Variants in KPNA4 observed in about 807,000 individuals in gnomAD.
KPNA4 encodes importin subunit alpha-3.
A neutral mutation model predicts 71.3 loss-of-function variants in KPNA4; 13 were observed. The ratio of observed to expected loss-of-function variants is 0.18; its 90% CI spans 0.12 to 0.29. KPNA4 has a LOEUF of 0.29. Among genes scored for constraint, KPNA4 ranks in the 10% least tolerant of loss-of-function variants. The pLI, the probability that KPNA4 is intolerant of heterozygous loss-of-function variation, is 1.00. For missense variants in KPNA4, 334 were observed against 603.2 expected (o/e 0.55, Z 4.67); for synonymous variants, 189 against 195.2 (o/e 0.97, Z 0.26).
At chr3:160,513,844 T>C (rs1326073287) in intron 13 of KPNA4, among the ~76,000 whole-genome samples, 1 of 152,142 alleles carries the variant, frequency 6.6e-6, no homozygotes, top group East Asian at 1.9e-4. Flanking sequence ...ATGGCAATTT[T>C]GGTAAAAGAA....
chr3:160,534,563 C>CA (rs1157369457), intron 5 of KPNA4, among the ~76,000 whole-genome samples: 3 of 150,600 alleles, frequency 2.0e-5, no homozygotes, highest in Non-Finnish European at 4.4e-5. Flanking sequence ...ACTAAAAATA[C>CA]AAAAATTAGC....
At position 160,560,565 on chromosome 3, in the gene KPNA4, T is replaced by C. The variant is rs559842684; in HGVS notation, c.69+4649A>G. Among the ~76,000 whole-genome samples the C allele has an allele frequency of 1.1e-4, 16 of 151,628 alleles. No homozygotes were observed. The South Asian group carries it at 2.7e-3, about 26-fold the overall frequency. On this transcript the variant is annotated intron_variant, in intron 1 of 16. Coordinates refer to ENST00000334256, the MANE Select transcript of KPNA4 (RefSeq NM_002268.5). ...AGGACCCACAACCACTATCAGGTAT[T>C]AGAAATCAATGTTTAAAAACTACCT...
At chr3:160,537,257 C>A (rs1721709371) in intron 1 of KPNA4, among the ~76,000 whole-genome samples, 1 of 151,454 alleles carries the variant, frequency 6.6e-6, no homozygotes. Context: ...AAGGAGCCCT[C>A]CTGCTCACCC....
At chr3:160,525,410 C>CT (rs1304050322) in intron 10 of KPNA4, among the ~76,000 whole-genome samples, 7 of 152,146 alleles carry the variant, frequency 4.6e-5, no homozygotes, top group African/African-American at 1.7e-4. Context: ...ATTGGCCAAA[C>CT]TGTCAAAATG....
chr3:160,527,021 C>T (rs1465642526), intron 8 of KPNA4, among the ~76,000 whole-genome samples: 1 of 152,194 alleles, frequency 6.6e-6, no homozygotes, highest in Non-Finnish European at 1.5e-5. Flanking sequence ...AAACTCATAA[C>T]CACTCTTTAC....
intron 16 of KPNA4, among the ~76,000 whole-genome samples, chr3:160,503,129 CA>C (rs1455826814): frequency 6.6e-6 from 1 of 151,408 alleles, no homozygotes; most frequent in Non-Finnish European, 1.5e-5. Context: ...CAAAACAAAA[CA>C]AAACAAATCA....
Position 160,551,946 on chromosome 3 carries a change from G to C in KPNA4, c.69+13268C>G, listed in dbSNP as rs941544687. On this transcript the variant is annotated intron_variant, in intron 1 of 16. Coordinates refer to ENST00000334256, the MANE Select transcript of KPNA4 (RefSeq NM_002268.5). ...GTTCTTGGTTGTCACAACTGGGGGG[G>C]GGGGGGTGATGTGCTACTGACATCT... Among the ~76,000 whole-genome samples, 3 of 143,400 alleles carry C rather than the reference G, an allele frequency of 2.1e-5. 1 individual carries two copies. The highest frequency in any genetic ancestry group is 3.1e-5 in the Non-Finnish European group (2 of 64,096). 94.1% of individuals were successfully genotyped at this position (143,400 alleles called of 152,430 possible). A position where few individuals can be genotyped will look rare whatever the true frequency, so the allele number is the denominator to read the frequency against.
chr3:160,525,528 T>C (rs943847934), intron 10 of KPNA4, among the ~76,000 whole-genome samples: 2 of 152,182 alleles, frequency 1.3e-5, no homozygotes, highest in Admixed American at 6.5e-5. Flanking sequence ...ATAACACTAA[T>C]ATATACACAT....
chr3:160,523,251 G>A (rs1450644021), intron 10 of KPNA4, among the ~76,000 whole-genome samples: 2 of 151,338 alleles, frequency 1.3e-5, no homozygotes, highest in Admixed American at 6.6e-5. Context: ...CAGGTGGACT[G>A]CTTGAGCCCA....
Position 160,536,789 on chromosome 3 carries a change from G to A in KPNA4, c.114+7C>T. 6.4e-7 allele frequency: 1 copy of A among 1,561,772 alleles called. No homozygotes were observed. The highest frequency in any genetic ancestry group is 8.8e-7 in the Non-Finnish European group (1 of 1,137,526). On this transcript the variant is annotated splice_region_variant and intron_variant, in intron 2 of 16. Coordinates refer to ENST00000334256, the MANE Select transcript of KPNA4 (RefSeq NM_002268.5). ...GCTTAGAAGTACCCAATATTAATCA[G>A]ACTCACCTTCCTTAATTCAACTACA...
At chr3:160,534,046 C>A (rs1347082245) in intron 5 of KPNA4, among the ~76,000 whole-genome samples, 1 of 152,208 alleles carries the variant, frequency 6.6e-6, no homozygotes, top group East Asian at 1.9e-4. Flanking sequence ...CTAAGAAGTT[C>A]TTTTACCTCT....
intron 5 of KPNA4, among the ~76,000 whole-genome samples, chr3:160,535,243 T>A (rs1721664110): frequency 6.6e-6 from 1 of 152,210 alleles, no homozygotes; most frequent in Non-Finnish European, 1.5e-5. Context: ...ATTTGTTAAA[T>A]CAACTTTCCT....
chr3:160,523,476 A>G (rs909620836), intron 10 of KPNA4, among the ~76,000 whole-genome samples: 4 of 152,224 alleles, frequency 2.6e-5, no homozygotes, highest in Non-Finnish European at 5.9e-5. Context: ...AAAAGGTGAA[A>G]ATAATGCTTT....
chr3:160,564,390 G>A (rs768721612), intron 1 of KPNA4: 1 of 152,116 alleles, frequency 6.6e-6, no homozygotes, highest in Non-Finnish European at 1.5e-5. Context: ...TAGACTAGAG[G>A]ATGACAGCTT....
chr3:160,538,445 T>A (rs1721733712), intron 1 of KPNA4, among the ~76,000 whole-genome samples: 1 of 152,106 alleles, frequency 6.6e-6, no homozygotes, highest in South Asian at 2.1e-4. Context: ...AAACACTGCT[T>A]CAGTTATAAG....
intron 15 of KPNA4, among the ~76,000 whole-genome samples, chr3:160,507,196 A>G (rs192547720): frequency 6.6e-6 from 1 of 152,258 alleles, no homozygotes; most frequent in African/African-American, 2.4e-5. Context: ...TGTGCCATAA[A>G]GCTTGTTAAG....
intron 1 of KPNA4, among the ~76,000 whole-genome samples, chr3:160,564,805 G>A (rs947292199): frequency 6.6e-6 from 1 of 151,742 alleles, no homozygotes; most frequent in Non-Finnish European, 1.5e-5. Flanking sequence ...TTCCCGCGGC[G>A]CCAGACGTCG....
chr3:160,535,598 A>G, intron 4 of KPNA4, 33 bp from the exon 5 acceptor site: 1 of 1,586,230 alleles, frequency 6.3e-7, no homozygotes, highest in Non-Finnish European at 8.6e-7. Flanking sequence ...TGATGTAAAT[A>G]TATCACGATT....
At chr3:160,514,705 C>T (rs762497347) in intron 12 of KPNA4, among the ~76,000 whole-genome samples, 60 of 152,268 alleles carry the variant, frequency 3.9e-4, no homozygotes, top group Admixed American at 1.4e-3. Flanking sequence ...TAGTCATTCA[C>T]TGCATAATTT....
Sources: allele counts gnomAD v4.1 joint callset (sites outside exome capture counted in the v4.1 genomes callset), GRCh38; gene constraint gnomAD v4.1.1; transcripts MANE v1.5; gene names NCBI Gene and HGNC (gene_info 2026-07-23, HGNC 2026-07-21).